Variants in CCNY observed in about 807,000 individuals in gnomAD.
The protein encoded by CCNY is cyclin-Y.
In CCNY, 19 loss-of-function variants were observed where a neutral mutation model predicts 42.8. The observed-to-expected ratio is 0.44, with a 90% CI of 0.31 to 0.65. CCNY has a LOEUF of 0.65. Among genes scored for constraint, CCNY ranks in the 30% least tolerant of loss-of-function variants. The probability of loss-of-function intolerance (pLI) is 0.07; values close to 1 mark genes in which losing one functional copy is unlikely to be tolerated. For synonymous variants in CCNY, 165 were observed against 162.7 expected (o/e 1.01, Z -0.11); for missense variants, 370 against 437.3 (o/e 0.85, Z 1.37).
chr10:35,313,448 T>A (rs1400786360), intron 3 of CCNY, among the ~76,000 whole-genome samples: 1 of 152,242 alleles, frequency 6.6e-6, no homozygotes, highest in Non-Finnish European at 1.5e-5. Context: ...TAACTGTCAC[T>A]TCCCCGAGTT....
At chr10:35,262,755 A>G (rs1406175440) in intron 3 of CCNY, among the ~76,000 whole-genome samples, 23 of 152,154 alleles carry the variant, frequency 1.5e-4, no homozygotes, top group Admixed American at 1.5e-3. Context: ...ACTTTCCTTT[A>G]GATTCTCTAG....
At chr10:35,447,478 T>C (rs1838818707) in intron 1 of CCNY, among the ~76,000 whole-genome samples, 1 of 152,188 alleles carries the variant, frequency 6.6e-6, no homozygotes, top group African/African-American at 2.4e-5. Flanking sequence ...GTGGGGTGAT[T>C]ATGACCATCA....
chr10:35,414,157 T>G (rs887742869), intron 1 of CCNY, among the ~76,000 whole-genome samples: 1 of 152,236 alleles, frequency 6.6e-6, no homozygotes, highest in East Asian at 1.9e-4. Context: ...TATCACAGTT[T>G]CTGTGGGGCA....
At chr10:35,366,285 A>T (rs1207995078) in intron 1 of CCNY, among the ~76,000 whole-genome samples, 1 of 152,194 alleles carries the variant, frequency 6.6e-6, no homozygotes, top group Non-Finnish European at 1.5e-5. Context: ...TATTTTGGAA[A>T]CACCAGCATG....
intron 3 of CCNY, among the ~76,000 whole-genome samples, chr10:35,326,946 G>C (rs1247839871): frequency 6.6e-6 from 1 of 152,004 alleles, no homozygotes; most frequent in Non-Finnish European, 1.5e-5. Context: ...TCGTCCTCCT[G>C]GTCTTATAAC....
intron 1 of CCNY, among the ~76,000 whole-genome samples, chr10:35,420,766 C>T (rs1457202014): frequency 1.3e-5 from 2 of 152,166 alleles, no homozygotes; most frequent in Non-Finnish European, 2.9e-5. Flanking sequence ...TTTCTTTTGG[C>T]AGTTTTGCTC....
intron 3 of CCNY, among the ~76,000 whole-genome samples, chr10:35,501,818 C>G (rs1189861714): frequency 6.6e-6 from 1 of 152,220 alleles, no homozygotes; most frequent in Non-Finnish European, 1.5e-5. Flanking sequence ...AAGCGAAAGC[C>G]ACTTCTTTTT....
intron 1 of CCNY, among the ~76,000 whole-genome samples, chr10:35,387,602 G>A (rs1484782350): frequency 2.0e-5 from 3 of 152,218 alleles, no homozygotes; most frequent in Non-Finnish European, 4.4e-5. Context: ...GGGAGGAGGG[G>A]AGTGCAGGTG....
At chr10:35,365,713 C>A (rs1174305983) in intron 1 of CCNY, among the ~76,000 whole-genome samples, 3 of 151,970 alleles carry the variant, frequency 2.0e-5, no homozygotes, top group Non-Finnish European at 4.4e-5. Flanking sequence ...TAGTATTGTA[C>A]CAATGTTAAT....
chr10:35,476,531 G>A (rs1200776951), intron 1 of CCNY, among the ~76,000 whole-genome samples: 1 of 151,994 alleles, frequency 6.6e-6, no homozygotes, highest in Non-Finnish European at 1.5e-5. Context: ...GCTCCTGAAT[G>A]ACTACTGGGT....
At chr10:35,307,762 G>A (rs2384354) in intron 3 of CCNY, among the ~76,000 whole-genome samples, 11,599 of 46,144 alleles carry the variant, frequency 0.25, 888 homozygotes, top group Admixed American at 0.29. Context: ...GTGTATATAT[G>A]TGTGTGTGTG....
chr10:35,430,865 C>A (rs1391988915), intron 1 of CCNY, among the ~76,000 whole-genome samples: 2 of 152,040 alleles, frequency 1.3e-5, no homozygotes, highest in African/African-American at 4.8e-5. Context: ...AATCCCAGCA[C>A]TTTGGGAGGC....
At chr10:35,274,707 G>A (rs969787454) in intron 3 of CCNY, among the ~76,000 whole-genome samples, 4 of 152,166 alleles carry the variant, frequency 2.6e-5, no homozygotes, top group Non-Finnish European at 1.5e-5. Context: ...AAGTCCCGAG[G>A]GAAGACTGAA....
chr10:35,360,294 T>C (rs1402682574), intron 1 of CCNY, among the ~76,000 whole-genome samples: 6 of 150,028 alleles, frequency 4.0e-5, no homozygotes, highest in African/African-American at 9.8e-5. Context: ...TTTTCTTTTT[T>C]TTTTTTTTTT....
At chr10:35,356,346 T>G (rs1346051485) in intron 1 of CCNY, among the ~76,000 whole-genome samples, 1 of 152,216 alleles carries the variant, frequency 6.6e-6, no homozygotes, top group African/African-American at 2.4e-5. Flanking sequence ...TTGTACATCT[T>G]AAGATGTTGC....
Position 35,403,183 on chromosome 10 carries a change from A to T in CCNY, c.154+65976A>T, listed in dbSNP as rs191873746. The stretch of plus-strand genomic sequence containing the variant: ...GAGGGGTAGTGGAATAGCACATGGA[A>T]CACAGAGAAGTGATTTCCTTGAGGA... On this transcript the variant is annotated intron_variant, in intron 1 of 9. Coordinates refer to ENST00000374704, the MANE Select transcript of CCNY (RefSeq NM_145012.6). Among the ~76,000 whole-genome samples the T allele has an allele frequency of 6.8e-3, 1,040 of 152,210 alleles. 11 individuals carry two copies. Among genetic ancestry groups the T allele is most frequent in the African/African-American group, 0.024 (992 of 41,486 alleles).
At chr10:35,491,249 C>G (rs1192304100) in intron 2 of CCNY, among the ~76,000 whole-genome samples, 1 of 152,168 alleles carries the variant, frequency 6.6e-6, no homozygotes, top group Non-Finnish European at 1.5e-5. Context: ...GTCACATAAT[C>G]TCTTGGGTCA....
chr10:35,328,172 G>C (rs1231877397), intron 3 of CCNY, among the ~76,000 whole-genome samples: 2 of 152,178 alleles, frequency 1.3e-5, no homozygotes, highest in East Asian at 1.9e-4. Flanking sequence ...GGCATTGAAG[G>C]TGTTATCACC....
intron 1 of CCNY, among the ~76,000 whole-genome samples, chr10:35,394,449 G>T (rs1837479800): frequency 6.6e-6 from 1 of 152,206 alleles, no homozygotes; most frequent in Admixed American, 6.5e-5. Context: ...TCATTTGATT[G>T]CAGACTTGAG....
Sources: allele counts gnomAD v4.1 joint callset (sites outside exome capture counted in the v4.1 genomes callset), GRCh38; gene constraint gnomAD v4.1.1; transcripts MANE v1.5; gene names NCBI Gene and HGNC (gene_info 2026-07-23, HGNC 2026-07-21).